The following MYO18A variants were observed in gnomAD, a reference collection of about 807,000 sequenced individuals.
MYO18A encodes myosin XVIIIA, also known as unconventional myosin-XVIIIa.
Under a neutral mutation model 235.8 loss-of-function variants are expected in MYO18A, and 78 were observed. That is an observed-to-expected ratio of 0.33 (90% confidence interval 0.28 to 0.40). The LOEUF (loss-of-function observed/expected upper bound fraction) is 0.40, where lower values mean the gene tolerates loss of function less well. Among genes scored for constraint, MYO18A ranks in the 10% least tolerant of loss-of-function variants. The pLI, the probability that MYO18A is intolerant of heterozygous loss-of-function variation, is 1.00. For synonymous variants in MYO18A, 977 were observed against 1,077.8 expected, an observed-to-expected ratio of 0.91 and a Z score of 1.83; for missense variants, 2,215 against 2,699.3, an observed-to-expected ratio of 0.82 and a Z score of 3.98.
At chr17:29,157,896 G>T (rs1432595378) in intron 2 of MYO18A, among the ~76,000 whole-genome samples, 1 of 151,954 alleles carries the variant, frequency 6.6e-6, no homozygotes, top group East Asian at 1.9e-4. Context: ...CAGGTTCAAG[G>T]GATCCTCCCA....
rs1265654562 is a variant in MYO18A, at chr17:29,125,458, C to T, written c.1000-3205G>A. 6.6e-6 allele frequency among the ~76,000 whole-genome samples: 1 copy of T among 152,210 alleles called. No homozygotes were observed. Among genetic ancestry groups the T allele is most frequent in the Non-Finnish European group, 1.5e-5 (1 of 68,040 alleles). On this transcript the variant is annotated intron_variant, in intron 2 of 41. Coordinates refer to ENST00000527372, the MANE Select transcript of MYO18A (RefSeq NM_078471.4). The surrounding 1 kb of genome is among the most constrained non-coding windows in gnomAD (Gnocchi z 5.1). ...TCTGGTTACTTAAAGCCCTGAAAAG[C>T]CTTTCTGGGGAGGAAGGCAAGTCAA...
chr17:29,123,520 G>A (rs929457077), intron 2 of MYO18A, among the ~76,000 whole-genome samples: 1 of 152,218 alleles, frequency 6.6e-6, no homozygotes, highest in Admixed American at 6.5e-5. Context: ...TAAAGGAGAC[G>A]TGGGCTCTCC....
In MYO18A at chr17:29,165,945, G is replaced by T. The variant is rs764110291; in HGVS notation, c.996C>A (p.Ser332=). Residue 332 remains serine (S), a synonymous_variant, in exon 2 of 42, where the codon TCC becomes TCA. Coordinates refer to ENST00000527372, the MANE Select transcript of MYO18A (RefSeq NM_078471.4). ...AGGTGCCCAGGGAAGCACTCACATCGGATGGCTCCCTGCGAGGTCCCTCGC... is the reference window on the plus strand; with the variant it reads ...AGGTGCCCAGGGAAGCACTCACATCTGATGGCTCCCTGCGAGGTCCCTCGC... The part of the protein sequence containing the change: ...RSGEGPRREP[S]DAKTEEQIAA... The T allele has an allele frequency of 6.2e-7, 1 of 1,611,512 alleles. No homozygotes were observed. Among genetic ancestry groups the T allele is most frequent in the East Asian group, 2.2e-5 (1 of 44,856 alleles).
chr17:29,147,096 T>G (rs1483047687), intron 2 of MYO18A, among the ~76,000 whole-genome samples: 1 of 152,162 alleles, frequency 6.6e-6, no homozygotes, highest in East Asian at 1.9e-4. Flanking sequence ...ACTGGCCAGG[T>G]GATTTGAACT....
intron 20 of MYO18A, among the ~76,000 whole-genome samples, chr17:29,104,507 G>A (rs1598307510): frequency 6.6e-6 from 1 of 152,156 alleles, no homozygotes; most frequent in Non-Finnish European, 1.5e-5. Context: ...TGAACAAGCT[G>A]AGTCTGAGAT....
chr17:29,154,321 A>AGG (rs1448844741), intron 2 of MYO18A, among the ~76,000 whole-genome samples: 1 of 151,968 alleles, frequency 6.6e-6, no homozygotes, highest in Non-Finnish European at 1.5e-5. Context: ...CCCTCGAGGG[A>AGG]GGGCAAGGGC....
intron 41 of MYO18A, among the ~76,000 whole-genome samples, chr17:29,079,350 G>A (rs1399887893): frequency 6.6e-6 from 1 of 152,218 alleles, no homozygotes; most frequent in Admixed American, 6.5e-5. Context: ...TGACCACATG[G>A]CAAGTGACTT....
intron 2 of MYO18A, chr17:29,129,010 C>T: frequency 7.8e-7 from 1 of 1,277,520 alleles, no homozygotes; most frequent in Non-Finnish European, 1.0e-6. Flanking sequence ...AGTCCCACCT[C>T]CATTCCTACC....
intron 41 of MYO18A, among the ~76,000 whole-genome samples, chr17:29,079,523 T>C (rs577656646): frequency 1.3e-5 from 2 of 152,254 alleles, no homozygotes; most frequent in East Asian, 3.9e-4. Flanking sequence ...CACCAGCGAG[T>C]TCAGCTGACA....
chr17:29,143,529 A>G (rs1199564798), intron 2 of MYO18A, among the ~76,000 whole-genome samples: 1 of 151,234 alleles, frequency 6.6e-6, no homozygotes, highest in East Asian at 1.9e-4. Context: ...GGCATGAGCC[A>G]CCACATTTGG....
chr17:29,122,130 G>C lies in MYO18A; in HGVS notation c.1087+36C>G, dbSNP rs773644118. The C allele has an allele frequency of 1.3e-5, 21 of 1,596,576 alleles. No individual in the cohort carries two copies. In the South Asian group the frequency reaches 2.2e-4, roughly 17 times the overall value. ...CGCTGCCCAGCCCTGAGACCAGTGA[G>C]TCCTGACATGTGCCCCCAGACCCTC... is the stretch of plus-strand genomic sequence containing the variant. On this transcript the variant is annotated intron_variant, in intron 3 of 41. Transcript: ENST00000527372.
chr17:29,095,206 G>T, intron 28 of MYO18A, 147 bp from the exon 29 acceptor site: 1 of 1,267,814 alleles, frequency 7.9e-7, no homozygotes, highest in Admixed American at 2.9e-5. Flanking sequence ...GTAAGGTAGC[G>T]GTGACATTTA....
chr17:29,081,591 G>T lies in MYO18A; in HGVS notation c.6020+725C>A, dbSNP rs563059475. On this transcript the variant is annotated intron_variant, in intron 41 of 41. Transcript: ENST00000527372. The stretch of plus-strand genomic sequence containing the variant: ...GAGGATCAGGATGGGCTTGATCAGG[G>T]GGTTGGGATTCTATGTTGTGGGGGC... 3.3e-5 allele frequency among the ~76,000 whole-genome samples: 5 copies of T among 150,236 alleles called. No homozygotes were observed. The East Asian group carries it at 9.9e-4, about 30-fold the overall frequency.
Position 29,114,936 on chromosome 17 carries a change from A to G in MYO18A, c.2482T>C (p.Phe828Leu). ...TTGTATCTTTCCAACTCCTGCACGAAGGTGCGCTCGTGGAAGAGCCTCTGC... is the reference window on the plus strand; with the variant it reads ...TTGTATCTTTCCAACTCCTGCACGAGGGTGCGCTCGTGGAAGAGCCTCTGC... ...RLQRLFHERT[F>L]VQELERYKEE... Residue 828 changes from phenylalanine (F) to leucine (L), a missense_variant, in exon 14 of 42, where the codon TTC becomes CTC. Transcript: ENST00000527372. 2 of 1,613,970 alleles carry G rather than the reference A, an allele frequency of 1.2e-6. No individual in the cohort carries two copies. The highest frequency in any genetic ancestry group is 1.3e-5 in the African/African-American group (1 of 75,074).
intron 2 of MYO18A, chr17:29,128,063 T>C: frequency 9.8e-7 from 1 of 1,016,060 alleles, no homozygotes; most frequent in Non-Finnish European, 1.2e-6. Flanking sequence ...CTTCTCCCCC[T>C]TCCCAGAAGA....
At chr17:29,154,782 C>T (rs770892095) in intron 2 of MYO18A, among the ~76,000 whole-genome samples, 6 of 152,134 alleles carry the variant, frequency 3.9e-5, no homozygotes, top group Admixed American at 2.6e-4. Context: ...CTGGGGAGGG[C>T]GAGGCAGAAG....
intron 20 of MYO18A, among the ~76,000 whole-genome samples, chr17:29,105,660 C>T (rs1191780021): frequency 2.6e-5 from 4 of 152,084 alleles, no homozygotes; most frequent in Admixed American, 2.0e-4. Flanking sequence ...GGCTGGGCAT[C>T]TGCTGGGAAG....
In MYO18A at chr17:29,098,229, G is replaced by A. The variant is rs370004305; in HGVS notation, c.3871-5C>T. The stretch of plus-strand genomic sequence containing the variant: ...CTCCGATGTCAGCTCTGAGATCTGG[G>A]GTTGGGGGTAGGGAGTCACCACCAG... On this transcript the variant is annotated splice_region_variant and splice_polypyrimidine_tract_variant and intron_variant, in intron 24 of 41. Coordinates refer to ENST00000527372, the MANE Select transcript of MYO18A (RefSeq NM_078471.4). The A allele has an allele frequency of 5.1e-5, 82 of 1,613,968 alleles. No individual in the cohort carries two copies. In the African/African-American group the frequency reaches 9.7e-4, roughly 19 times the overall value.
intron 41 of MYO18A, among the ~76,000 whole-genome samples, chr17:29,081,350 G>T (rs933190729): frequency 6.6e-6 from 1 of 152,206 alleles, no homozygotes; most frequent in East Asian, 1.9e-4. Context: ...GGTGAACCAC[G>T]GCAGTGGGGC....
Sources: gnomAD v4.1 joint callset for allele counts (sites outside exome capture counted in the v4.1 genomes callset) on GRCh38, gnomAD v4.1.1 for gene constraint, Gnocchi (gnomAD v3.1) non-coding constraint, MANE v1.5 for transcripts, NCBI Gene and HGNC (gene_info 2026-07-23, HGNC 2026-07-21) for gene names.